Variants in SYCP2L observed in about 807,000 individuals in gnomAD.
SYCP2L encodes synaptonemal complex protein 2 like, also known as synaptonemal complex protein 2-like.
Under a neutral mutation model 125.8 loss-of-function variants are expected in SYCP2L, and 98 were observed. That is an observed-to-expected ratio of 0.78 (90% CI 0.66 to 0.92). The LOEUF (loss-of-function observed/expected upper bound fraction) is 0.92. SYCP2L is among the 40% of genes least tolerant of loss of function. The pLI, the probability that SYCP2L is intolerant of heterozygous loss-of-function variation, is 0.00. For synonymous variants in SYCP2L, 317 were observed against 325.4 expected, an observed-to-expected ratio of 0.97 and a Z score of 0.28; for missense variants, 842 against 936.4, an observed-to-expected ratio of 0.90 and a Z score of 1.32.
chr6:10,956,851 G>A (rs1781509799), intron 25 of SYCP2L, among the ~76,000 whole-genome samples: 1 of 151,998 alleles, frequency 6.6e-6, no homozygotes, highest in South Asian at 2.1e-4. Flanking sequence ...TTTAGAGATA[G>A]GATCTTGTTC....
chr6:10,924,855 G>T (rs1389716948), intron 15 of SYCP2L, among the ~76,000 whole-genome samples: 3 of 152,140 alleles, frequency 2.0e-5, no homozygotes, highest in African/African-American at 7.2e-5. Context: ...AAGCCTCTTT[G>T]TTCCTTGAAA....
chr6:10,971,457 CAAAAA>C (rs564161444), intron 29 of SYCP2L, among the ~76,000 whole-genome samples: 1 of 99,368 alleles, frequency 1.0e-5, no homozygotes, highest in Non-Finnish European at 2.1e-5. Flanking sequence ...GACTCTGTCT[CAAAAA>C]AAAAAAAAAA....
chr6:10,945,341 G>GT (rs1561696838), intron 23 of SYCP2L, among the ~76,000 whole-genome samples: 1 of 152,092 alleles, frequency 6.6e-6, no homozygotes, highest in East Asian at 1.9e-4. Context: ...CATTCTTACT[G>GT]TTTTTTAATC....
At chr6:10,950,267 C>T (rs1195492001) in intron 23 of SYCP2L, among the ~76,000 whole-genome samples, 1 of 152,024 alleles carries the variant, frequency 6.6e-6, no homozygotes, top group Non-Finnish European at 1.5e-5. Context: ...ATATTAAGAC[C>T]CAATTTGACT....
Position 10,889,018 on chromosome 6 carries a change from C to T in SYCP2L, c.9+1883C>T, listed in dbSNP as rs149193622. On this transcript the variant is annotated intron_variant, in intron 1 of 29. Transcript: ENST00000283141. The stretch of plus-strand genomic sequence containing the variant: ...CTGGGTCTACAGTCACGTGCCACTG[C>T]GCCCAGCTAATTTTTGTATTTTTTA... Among the ~76,000 whole-genome samples the T allele has an allele frequency of 5.4e-3, 821 of 152,210 alleles. 10 individuals carry two copies. Among genetic ancestry groups the T allele is most frequent in the African/African-American group, 0.019 (784 of 41,524 alleles).
chr6:10,931,983 T>G (rs1262407001), intron 20 of SYCP2L, among the ~76,000 whole-genome samples: 2 of 126,686 alleles, frequency 1.6e-5, no homozygotes, highest in Non-Finnish European at 3.3e-5. Flanking sequence ...AAAAAAAGAT[T>G]GAGGGTCTTT....
In SYCP2L at chr6:10,898,052, G is replaced by C. The variant is rs576325078; in HGVS notation, c.378G>C (p.Ser126=). ...WFERTTGILT[S]EGLASDTSLI... ...AAAGAACAACAGGAATTCTGACCTC[G>C]GAAGGCCTAGCCTCAGACACGTCGC... The change falls in exon 5 of 30, where the codon TCG becomes TCC. Residue 126 remains serine (S), a synonymous_variant. Transcript: ENST00000283141. The C allele has an allele frequency of 3.1e-6, 5 of 1,614,064 alleles. No individual in the cohort carries two copies. The highest frequency in any genetic ancestry group is 4.2e-6 in the Non-Finnish European group (5 of 1,179,954).
intron 14 of SYCP2L, among the ~76,000 whole-genome samples, chr6:10,913,345 G>T (rs1780640282): frequency 6.6e-6 from 1 of 152,312 alleles, no homozygotes; most frequent in Middle Eastern, 3.4e-3. Flanking sequence ...TAGCAAGAAA[G>T]GACATGGCTG....
chr6:10,896,530 G>T (rs1352215744), intron 4 of SYCP2L, among the ~76,000 whole-genome samples: 2 of 152,138 alleles, frequency 1.3e-5, no homozygotes, highest in Non-Finnish European at 2.9e-5. Context: ...AACATAGGGA[G>T]GGAGAAAATA....
chr6:10,906,114 T>C (rs926810621), intron 9 of SYCP2L, 60 bp downstream of exon 9: 1 of 987,172 alleles, frequency 1.0e-6, no homozygotes, highest in East Asian at 2.4e-5. Flanking sequence ...GGGGGTTTTA[T>C]GAGCATCTTG....
intron 15 of SYCP2L, among the ~76,000 whole-genome samples, chr6:10,925,556 T>G (rs897038343): frequency 6.6e-6 from 1 of 152,166 alleles, no homozygotes; most frequent in Non-Finnish European, 1.5e-5. Context: ...AAAAATACTG[T>G]GGTAATGGCC....
rs371343791 is a variant in SYCP2L at position 10,910,207 on chromosome 6, T to A, written c.872+7T>A. 2 of 1,612,926 alleles carry A rather than the reference T, an allele frequency of 1.2e-6. No homozygotes were observed. The highest frequency in any genetic ancestry group is 2.7e-5 in the African/African-American group (2 of 74,918). ...GACTTGGTGACCAAAGAAGGTAAGT[T>A]GTGTCTCTGAGCATTATTGACTAGT... On this transcript the variant is annotated splice_region_variant and intron_variant, in intron 11 of 29. Transcript: ENST00000283141.
intron 16 of SYCP2L, 62 bp from the exon 17 acceptor site, chr6:10,927,178 C>T: frequency 6.3e-7 from 1 of 1,594,060 alleles, no homozygotes; most frequent in East Asian, 2.2e-5. Context: ...CCATGAAGAC[C>T]ACTGGTGAGT....
intron 21 of SYCP2L, among the ~76,000 whole-genome samples, chr6:10,938,935 A>G (rs1781159155): frequency 6.6e-6 from 1 of 152,146 alleles, no homozygotes. Context: ...CCCAGCTAAC[A>G]CAGTGAAACC....
At chr6:10,942,064 A>G (rs1224268965) in intron 21 of SYCP2L, among the ~76,000 whole-genome samples, 2 of 134,100 alleles carry the variant, frequency 1.5e-5, no homozygotes, top group African/African-American at 2.6e-5. Context: ...GAAAAACACC[A>G]CATGTTCTCA....
intron 14 of SYCP2L, among the ~76,000 whole-genome samples, chr6:10,921,791 C>A (rs1037272794): frequency 6.6e-6 from 1 of 151,866 alleles, no homozygotes; most frequent in African/African-American, 2.4e-5. Flanking sequence ...CTGCAAGCTC[C>A]GCCTCCTGGG....
intron 20 of SYCP2L, among the ~76,000 whole-genome samples, chr6:10,934,607 TA>T (rs1425499507): frequency 6.6e-6 from 1 of 152,184 alleles, no homozygotes; most frequent in Non-Finnish European, 1.5e-5. Flanking sequence ...TTGAACTCAG[TA>T]GGTGGAGGTT....
intron 23 of SYCP2L, among the ~76,000 whole-genome samples, chr6:10,951,651 G>A (rs959894190): frequency 6.6e-5 from 10 of 152,120 alleles, no homozygotes; most frequent in African/African-American, 9.6e-5. Context: ...AATAAACATC[G>A]GTAAACAAAG....
rs1473751479 is a variant in SYCP2L at position 10,955,135 on chromosome 6, T to C, written c.1974T>C (p.Phe658=). 2 of 1,613,248 alleles carry C rather than the reference T, an allele frequency of 1.2e-6. No individual in the cohort carries two copies. Among genetic ancestry groups the C allele is most frequent in the Admixed American group, 1.7e-5 (1 of 60,014 alleles). ...CTGTAGACATACCAGAAGGTAGTTT[T>C]GCTAAGTCACAACAATCAAGATTGG... ...LEDKDIPEGS[F]AKSQQSRLEE... Residue 658 remains phenylalanine, a synonymous_variant, in exon 24 of 30, where the codon TTT becomes TTC. Transcript: ENST00000283141.
Sources: allele counts gnomAD v4.1 joint callset (sites outside exome capture counted in the v4.1 genomes callset), GRCh38; gene constraint gnomAD v4.1.1; transcripts MANE v1.5; gene names NCBI Gene and HGNC (gene_info 2026-07-23, HGNC 2026-07-21).